Variants in TTC39A observed in about 807,000 individuals in gnomAD.
The protein encoded by TTC39A is tetratricopeptide repeat domain 39A.
TTC39A carries 46 observed loss-of-function variants against 82.3 expected under a neutral mutation model. The observed-to-expected ratio is 0.56, with a 90% CI of 0.44 to 0.71. The LOEUF is 0.71. Among genes scored for constraint, TTC39A ranks in the 30% least tolerant of loss-of-function variants. The pLI, the probability that TTC39A is intolerant of heterozygous loss-of-function variation, is 0.00. For missense variants in TTC39A, 543 were observed against 712.9 expected, an observed-to-expected ratio of 0.76 and a Z score of 2.71; for synonymous variants, 254 against 275.2, an observed-to-expected ratio of 0.92 and a Z score of 0.76.
At chr1:51,325,140 A>G (rs966548588) in intron 1 of TTC39A, among the ~76,000 whole-genome samples, 4 of 151,996 alleles carry the variant, frequency 2.6e-5, no homozygotes, top group African/African-American at 9.7e-5. Flanking sequence ...TGTAATCCCA[A>G]CTACTACGGA....
chr1:51,339,079 A>G (rs1234082052), intron 1 of TTC39A, among the ~76,000 whole-genome samples: 1 of 152,214 alleles, frequency 6.6e-6, no homozygotes, highest in Non-Finnish European at 1.5e-5. Context: ...CTTGAAATGA[A>G]TTGAGCGGCT....
At chr1:51,342,505 C>A (rs148660326) in intron 1 of TTC39A, among the ~76,000 whole-genome samples, 11 of 152,308 alleles carry the variant, frequency 7.2e-5, no homozygotes, top group South Asian at 2.1e-4. Context: ...AGTAAGTAAG[C>A]GGCAGAGCAG....
Position 51,330,524 on chromosome 1 carries a change from G to A in TTC39A, c.-47C>T. The A allele has an allele frequency of 1.0e-6, 1 of 983,732 alleles. No individual in the cohort carries two copies. The highest frequency in any genetic ancestry group is 1.2e-6 in the Non-Finnish European group (1 of 830,130). 60.9% of individuals were successfully genotyped at this position (983,732 alleles called of 1,614,324 possible). On this transcript the variant is annotated 5_prime_UTR_variant, in exon 1 of 18. Transcript: ENST00000680483. This position sits in a 1 kb window ranked among gnomAD's most constrained non-coding sequence, Gnocchi z 4.5. ...CTGCCCCAGCCGGACGCCAATCGCG[G>A]CCCAGGTGCTGCCGCCGCAACCCCG...
chr1:51,293,570 C>T (rs760388230), intron 14 of TTC39A, among the ~76,000 whole-genome samples: 1 of 152,174 alleles, frequency 6.6e-6, no homozygotes, highest in Non-Finnish European at 1.5e-5. Context: ...AGGGAACCGA[C>T]CTAAAGCTAC....
Position 51,302,361 on chromosome 1 carries a change from T to G in TTC39A, c.887A>C (p.Asp296Ala), listed in dbSNP as rs754376259. The change falls in exon 11 of 18, where the codon GAT becomes GCT. Residue 296 changes from aspartate (D) to alanine (A), a missense_variant. Physicochemically the swap from Asp to Ala is moderately radical, Grantham distance 126 (BLOSUM62 -2). Transcript: ENST00000680483. ...GRIEVIKGNIDAAIRRFEECC... is the reference protein window; with the variant it reads ...GRIEVIKGNIAAAIRRFEECC... Reference sequence around the variant, plus strand: ...GCCCGGACCCCCATCACTCACTGCATCAATGTTGCCTTTAATGACTTCAAT... The same window carrying G: ...GCCCGGACCCCCATCACTCACTGCAGCAATGTTGCCTTTAATGACTTCAAT... 1.5e-5 allele frequency: 24 copies of G among 1,601,238 alleles called. No individual in the cohort carries two copies. The highest frequency in any genetic ancestry group is 1.7e-6 in the Non-Finnish European group (2 of 1,174,180).
chr1:51,305,128 T>A lies in TTC39A; in HGVS notation c.607A>T (p.Thr203Ser). 6.2e-7 allele frequency: 1 copy of A among 1,613,352 alleles called. No homozygotes were observed. The highest frequency in any genetic ancestry group is 8.5e-7 in the Non-Finnish European group (1 of 1,179,476). Reference sequence around the variant, plus strand: ...AACTCCAACAGCCTCAGGATCCTAGTAGGAAGCATGGACAGTGTCTGCAAG... The same window carrying A: ...AACTCCAACAGCCTCAGGATCCTAGAAGGAAGCATGGACAGTGTCTGCAAG... ...AFNLTLSMLP[T>S]RILRLLEFVG... The change falls in exon 8 of 18, where the codon ACT becomes TCT. Residue 203 changes from threonine (T) to serine (S), a missense_variant. Thr to Ser is a moderately conservative substitution (Grantham distance 58). Coordinates refer to ENST00000680483, the MANE Select transcript of TTC39A (RefSeq NM_001297663.2).
chr1:51,332,327 C>T (rs567360538), upstream of TTC39A, among the ~76,000 whole-genome samples: 20 of 152,316 alleles, frequency 1.3e-4, no homozygotes, highest in African/African-American at 4.8e-4. Flanking sequence ...ATCTCGTGAT[C>T]TTGGCTCACC....
At chr1:51,303,735 A>C (rs150679648) in intron 8 of TTC39A, among the ~76,000 whole-genome samples, 1 of 151,856 alleles carries the variant, frequency 6.6e-6, no homozygotes, top group Non-Finnish European at 1.5e-5. Context: ...GACCTGCCTC[A>C]CTCCTGCCTC....
chr1:51,321,606 T>C lies in TTC39A; in HGVS notation c.146+115A>G. The C allele has an allele frequency of 2.1e-6, 2 of 935,136 alleles. No homozygotes were observed. Among genetic ancestry groups the C allele is most frequent in the South Asian group, 1.5e-5 (1 of 64,796 alleles). 57.9% of individuals were successfully genotyped at this position (935,136 alleles called of 1,614,324 possible). ...TTTTTATGGGACTTCTCAGAGGTCC[T>C]GGTGACCCAGAAAGCCAAAGGCATT... is the stretch of plus-strand genomic sequence containing the variant. On this transcript the variant is annotated intron_variant, in intron 2 of 17. Coordinates refer to ENST00000680483, the MANE Select transcript of TTC39A (RefSeq NM_001297663.2). This position sits in a 1 kb window ranked among gnomAD's most constrained non-coding sequence, Gnocchi z 4.6.
chr1:51,324,261 G>A (rs1645632794), intron 1 of TTC39A, among the ~76,000 whole-genome samples: 1 of 152,126 alleles, frequency 6.6e-6, no homozygotes, highest in South Asian at 2.1e-4. Flanking sequence ...TGTAGCCCTT[G>A]GAGGGTCCCA....
intron 2 of TTC39A, among the ~76,000 whole-genome samples, chr1:51,313,309 C>T (rs112799675): frequency 0.017 from 2,546 of 152,196 alleles, 79 homozygotes; most frequent in African/African-American, 0.058. Flanking sequence ...TTGCCTTCTG[C>T]CCCCACCTCC....
intron 1 of TTC39A, among the ~76,000 whole-genome samples, chr1:51,328,107 G>A (rs1645780040): frequency 6.6e-6 from 1 of 152,166 alleles, no homozygotes; most frequent in Admixed American, 6.5e-5. Context: ...CAGCACTTCA[G>A]GAGGCCAAGG....
Position 51,301,679 on chromosome 1 carries a change from G to T in TTC39A, c.946C>A (p.His316Asn). 6.2e-7 allele frequency: 1 copy of T among 1,613,566 alleles called. No individual in the cohort carries two copies. Residue 316 changes from histidine to asparagine, a missense_variant, in exon 12 of 18, where the codon CAC (histidine) becomes AAC (asparagine). Coordinates refer to ENST00000680483, the MANE Select transcript of TTC39A (RefSeq NM_001297663.2). The stretch of plus-strand genomic sequence containing the variant: ...ATCAGCTCCCAGTAGCACATGTGGT[G>T]GAACTGCTTCCAGTGCTGCTGGGCC... ...CEAQQHWKQFHHMCYWELMWC... is the reference protein window; with the variant it reads ...CEAQQHWKQFNHMCYWELMWC...
At chr1:51,305,192 G>GC in intron 7 of TTC39A, 46 bp from the exon 8 acceptor site, 1 of 1,588,822 alleles carries the variant, frequency 6.3e-7, no homozygotes, top group Non-Finnish European at 8.6e-7. Flanking sequence ...CCCAGAGTGG[G>GC]CAGGGGCCAC....
At chr1:51,295,827 A>G in intron 13 of TTC39A, 1 of 574,222 alleles carries the variant, frequency 1.7e-6, no homozygotes, top group Non-Finnish European at 3.1e-6. Context: ...GAGGAAGACG[A>G]TATTAGCAAA....
chr1:51,293,708 A>G (rs925259318), intron 14 of TTC39A, among the ~76,000 whole-genome samples: 1 of 152,192 alleles, frequency 6.6e-6, no homozygotes, highest in African/African-American at 2.4e-5. Context: ...TCTGATGCCT[A>G]CTCAAATCGT....
intron 2 of TTC39A, among the ~76,000 whole-genome samples, chr1:51,315,544 G>C (rs911660285): frequency 1.3e-5 from 2 of 152,116 alleles, no homozygotes; most frequent in Non-Finnish European, 2.9e-5. Context: ...CTTCCTCTTC[G>C]TGCTCACTGA....
intron 2 of TTC39A, among the ~76,000 whole-genome samples, chr1:51,317,728 C>T (rs188395302): frequency 4.1e-4 from 62 of 152,190 alleles, no homozygotes; most frequent in Non-Finnish European, 2.6e-4. Context: ...CCAGCCTGAG[C>T]GACAGAGCAA....
chr1:51,293,346 C>T (rs6674371), intron 14 of TTC39A, among the ~76,000 whole-genome samples: 5,813 of 152,174 alleles, frequency 0.038, 158 homozygotes, highest in East Asian at 0.078. Context: ...GGATTACAGG[C>T]GTGAGCCACC....
Sources: gnomAD v4.1 joint callset for allele counts (sites outside exome capture counted in the v4.1 genomes callset) on GRCh38, gnomAD v4.1.1 for gene constraint, Gnocchi (gnomAD v3.1) non-coding constraint, MANE v1.5 for transcripts, NCBI Gene and HGNC (gene_info 2026-07-23, HGNC 2026-07-21) for gene names.